HSPA14: variants seen among roughly 807,000 people sequenced by gnomAD.
HSPA14 encodes heat shock protein family A (Hsp70) member 14, also known as heat shock 70 kDa protein 14.
In HSPA14, 37 loss-of-function variants were observed where a neutral mutation model predicts 65.5. The ratio of observed to expected loss-of-function variants is 0.56; its 90% CI spans 0.43 to 0.74. The LOEUF (loss-of-function observed/expected upper bound fraction) is 0.74, where lower values mean the gene tolerates loss of function less well. HSPA14 is among the 30% of genes least tolerant of loss of function. The pLI is 0.00. For synonymous variants in HSPA14, 203 were observed against 214.2 expected (o/e 0.95, Z 0.46); for missense variants, 564 against 607.6 (o/e 0.93, Z 0.75).
In HSPA14 at chr10:14,842,300, A is replaced by G. The variant is rs1301239227; in HGVS notation, c.221+2143A>G. 5.9e-6 allele frequency: 9 copies of G among 1,535,772 alleles called. No homozygotes were observed. Among genetic ancestry groups the G allele is most frequent in the Non-Finnish European group, 7.0e-6 (8 of 1,146,714 alleles). The stretch of plus-strand genomic sequence containing the variant: ...CCAACCCACAATGGCCAGTGCCAAT[A>G]GCAGTGCGGGCATCCGGTGGTCCAG... On this transcript the variant is annotated intron_variant, in intron 3 of 13. Coordinates refer to ENST00000378372, the MANE Select transcript of HSPA14 (RefSeq NM_016299.4). This position sits in a 1 kb window ranked among gnomAD's most constrained non-coding sequence, Gnocchi z 5.2.
chr10:14,843,504 CA>C (rs1834001918), intron 3 of HSPA14: 4 of 1,550,674 alleles, frequency 2.6e-6, no homozygotes, highest in Non-Finnish European at 3.5e-6. Context: ...GCACCAACCG[CA>C]GCACTCCTGG....
intron 3 of HSPA14, among the ~76,000 whole-genome samples, chr10:14,843,177 G>A (rs1196653352): frequency 1.3e-5 from 2 of 152,136 alleles, no homozygotes; most frequent in African/African-American, 4.8e-5. Flanking sequence ...GGAAGGCAAG[G>A]GAGAAGTTTT....
chr10:14,838,762 G>C (rs1833927547), intron 1 of HSPA14, among the ~76,000 whole-genome samples: 2 of 152,168 alleles, frequency 1.3e-5, no homozygotes, highest in Non-Finnish European at 2.9e-5. Flanking sequence ...GGGTGCCCGG[G>C]GGGGTCCCGG....
intron 8 of HSPA14, 53 bp from the exon 9 acceptor site, chr10:14,854,072 T>C: frequency 6.9e-7 from 1 of 1,452,990 alleles, no homozygotes; most frequent in Non-Finnish European, 9.3e-7. Context: ...TTAGTTACAA[T>C]ATTGTAAATG....
chr10:14,858,899 A>G (rs1832728995), intron 10 of HSPA14, among the ~76,000 whole-genome samples: 1 of 152,216 alleles, frequency 6.6e-6, no homozygotes, highest in Admixed American at 6.5e-5. Context: ...GGCAAGGACC[A>G]GAACTCAGGC....
At position 14,849,802 on chromosome 10, in the gene HSPA14, A is replaced by C. The variant is rs538018528; in HGVS notation, c.458A>C (p.Asn153Thr). ...TTTGATTTTGGAGAAAAGCAAAAAA[A>C]TGCTCTTGGGTAAGTATATGGGGTT... ...VPFDFGEKQK[N>T]ALGEAARAAG... is the part of the protein sequence containing the mutation. The change falls in exon 6 of 14, where the codon AAT (asparagine) becomes ACT (threonine). Residue 153 changes from asparagine to threonine, a missense_variant. Coordinates refer to ENST00000378372, the MANE Select transcript of HSPA14 (RefSeq NM_016299.4). 6.2e-7 allele frequency: 1 copy of C among 1,609,200 alleles called. No homozygotes were observed. The highest frequency in any genetic ancestry group is 8.5e-7 in the Non-Finnish European group (1 of 1,175,808).
Position 14,838,554 on chromosome 10 carries a change from C to T in HSPA14, c.57+95C>T, listed in dbSNP as rs1443936764. ...AGGCTTGAGAGCGGCGTGTCGCCGG[C>T]CTAGGGATGTCGTGGAGTGGCGTTG... On this transcript the variant is annotated intron_variant, in intron 1 of 13. Transcript: ENST00000378372. 4.8e-6 allele frequency: 6 copies of T among 1,250,866 alleles called. No homozygotes were observed. In the African/African-American group the frequency reaches 6.0e-5, roughly 13 times the overall value. The allele number at this position is 1,250,866 out of a possible 1,614,324, so 77.5% of individuals were successfully genotyped here. A position where few individuals can be genotyped will look rare whatever the true frequency, so the allele number is the denominator to read the frequency against.
At chr10:14,863,769 A>C (rs1832777523) in intron 10 of HSPA14, among the ~76,000 whole-genome samples, 1 of 152,052 alleles carries the variant, frequency 6.6e-6, no homozygotes, top group Admixed American at 6.5e-5. Flanking sequence ...AGAAATAGGG[A>C]GTTTAATCCA....
At chr10:14,850,486 G>A (rs1295466414) in intron 6 of HSPA14, among the ~76,000 whole-genome samples, 1 of 152,202 alleles carries the variant, frequency 6.6e-6, no homozygotes, top group African/African-American at 2.4e-5. Flanking sequence ...AAACAGAAAA[G>A]TTATAGTTTT....
At chr10:14,858,938 T>A (rs934797327) in intron 10 of HSPA14, among the ~76,000 whole-genome samples, 2 of 152,188 alleles carry the variant, frequency 1.3e-5, no homozygotes, top group Admixed American at 1.3e-4. Flanking sequence ...GTGCTCTTCA[T>A]GCTTGTGACC....
At chr10:14,851,041 A>T in intron 6 of HSPA14, 178 bp from the exon 7 acceptor site, 1 of 499,764 alleles carries the variant, frequency 2.0e-6, no homozygotes, top group Non-Finnish European at 3.5e-6. Context: ...ACAGAAAGTG[A>T]TCTCTTATAG....
Position 14,870,584 on chromosome 10 carries a change from C to CTTG in HSPA14, c.1381-11_1381-9dup, listed in dbSNP as rs749685427. ...GATGCTGAATTCTCTTCATATTGTT[C>CTTG]TTGTATAAACAGGTTGTACTCCAGG... On this transcript the variant is annotated splice_polypyrimidine_tract_variant and intron_variant, in intron 12 of 13. Transcript: ENST00000378372. The CTTG allele has an allele frequency of 1.3e-6, 2 of 1,577,350 alleles. No individual in the cohort carries two copies. The highest frequency in any genetic ancestry group is 1.7e-6 in the Non-Finnish European group (2 of 1,158,434).
At chr10:14,838,986 A>G (rs1833932416) in intron 1 of HSPA14, among the ~76,000 whole-genome samples, 1 of 152,138 alleles carries the variant, frequency 6.6e-6, no homozygotes, top group African/African-American at 2.4e-5. Flanking sequence ...GGGCCGCAGA[A>G]CGCGCTGAGC....
At position 14,871,663 on chromosome 10, in the gene HSPA14, T is replaced by C; in HGVS notation, c.*57T>C. ...AAGAATATCAACATTTGGTTTTGTG[T>C]ATAAGTGGTGTTTGTATTAAAATAC... On this transcript the variant is annotated 3_prime_UTR_variant, in exon 14 of 14. Coordinates refer to ENST00000378372, the MANE Select transcript of HSPA14 (RefSeq NM_016299.4). The C allele has an allele frequency of 1.1e-6, 1 of 899,674 alleles. No homozygotes were observed. The allele number at this position is 899,674 out of a possible 1,614,324, so 55.7% of individuals were successfully genotyped here.
intron 10 of HSPA14, among the ~76,000 whole-genome samples, chr10:14,857,687 T>C (rs904973111): frequency 1.3e-5 from 2 of 152,208 alleles, no homozygotes; most frequent in Non-Finnish European, 2.9e-5. Context: ...TACTTCACTA[T>C]TTGGTTTTGG....
intron 12 of HSPA14, among the ~76,000 whole-genome samples, chr10:14,868,312 G>T (rs754004328): frequency 2.6e-5 from 4 of 152,104 alleles, no homozygotes; most frequent in Non-Finnish European, 5.9e-5. Flanking sequence ...TTCTCCTCAC[G>T]TTGGTTTCAT....
At position 14,847,277 on chromosome 10, in the gene HSPA14, G is replaced by T. The variant is rs75831835; in HGVS notation, c.222-1332G>T. On this transcript the variant is annotated intron_variant, in intron 3 of 13. Transcript: ENST00000378372. ...ACGCACAACAGTATAAATTGTTCTGGTTGACTTAAATTCTAAAGAAAACAG... is the reference window on the plus strand; with the variant it reads ...ACGCACAACAGTATAAATTGTTCTGTTTGACTTAAATTCTAAAGAAAACAG... Among the ~76,000 whole-genome samples the T allele has an allele frequency of 6.3e-3, 963 of 152,224 alleles. 36 individuals are homozygous for T. The East Asian group carries it at 0.097, about 15-fold the overall frequency.
At chr10:14,846,546 C>T (rs1189467566) in intron 3 of HSPA14, 2 of 985,214 alleles carry the variant, frequency 2.0e-6, no homozygotes, top group Non-Finnish European at 2.4e-6. Flanking sequence ...AGCCAGGAAT[C>T]TGCCTATGTG....
At chr10:14,844,675 A>G in intron 3 of HSPA14, 4 of 977,208 alleles carry the variant, frequency 4.1e-6, no homozygotes, top group Non-Finnish European at 3.6e-6. Flanking sequence ...GTTACGGTTT[A>G]TATCGATAAT....
Sources: allele counts gnomAD v4.1 joint callset (sites outside exome capture counted in the v4.1 genomes callset), GRCh38; gene constraint gnomAD v4.1.1; non-coding constraint Gnocchi (gnomAD v3.1); transcripts MANE v1.5; gene names NCBI Gene and HGNC (gene_info 2026-07-23, HGNC 2026-07-21).